PLEKHA1: variants seen among roughly 807,000 people sequenced by gnomAD.
The protein encoded by PLEKHA1 is pleckstrin homology domain containing A1.
A neutral mutation model predicts 52.0 loss-of-function variants in PLEKHA1; 34 were observed. The observed-to-expected ratio is 0.65, with a 90% confidence interval of 0.50 to 0.87. The LOEUF (loss-of-function observed/expected upper bound fraction) is 0.87. Among genes scored for constraint, PLEKHA1 ranks in the 40% least tolerant of loss-of-function variants. The pLI, the probability that PLEKHA1 is intolerant of heterozygous loss-of-function variation, is 0.00. For missense variants in PLEKHA1, 497 were observed against 504.2 expected (o/e 0.99, Z 0.14); for synonymous variants, 163 against 170.7 (o/e 0.95, Z 0.35).
chr10:122,376,520 AT>A (rs1411366358), intron 1 of PLEKHA1, among the ~76,000 whole-genome samples: 2 of 78,070 alleles, frequency 2.6e-5, no homozygotes, highest in African/African-American at 8.1e-5. Context: ...ATATATATAT[AT>A]ATATATATAT....
At chr10:122,433,870 G>A (rs2097428895), downstream of PLEKHA1, 1 of 152,166 alleles carries the variant, frequency 6.6e-6, no homozygotes, top group African/African-American at 2.4e-5. Flanking sequence ...GTTCTATTTA[G>A]GAAGGGCTTT....
intron 1 of PLEKHA1, among the ~76,000 whole-genome samples, chr10:122,385,596 G>A (rs747594056): frequency 2.0e-5 from 3 of 152,178 alleles, no homozygotes; most frequent in Non-Finnish European, 2.9e-5. Flanking sequence ...GATTATAGGC[G>A]TGAGCCACTG....
downstream of PLEKHA1, chr10:122,434,451 T>C (rs953908350): frequency 1.3e-5 from 2 of 152,172 alleles, no homozygotes. Flanking sequence ...TATGTGACTT[T>C]AGGCAAGTGT....
the PLEKHA1 span, chr10:122,441,610 A>G: frequency 1.3e-5 from 2 of 152,198 alleles, no homozygotes; most frequent in South Asian, 2.1e-4. Flanking sequence ...TACCTAAATC[A>G]CTGCCTGTGT....
intron 5 of PLEKHA1, among the ~76,000 whole-genome samples, chr10:122,408,635 T>C (rs1363548370): frequency 1.3e-5 from 2 of 152,172 alleles, no homozygotes; most frequent in Non-Finnish European, 2.9e-5. Flanking sequence ...AAACTTTTGA[T>C]AGACACACAT....
Position 122,429,874 on chromosome 10 carries a change from C to G in PLEKHA1, c.1151C>G (p.Pro384Arg). Reference sequence around the variant, plus strand: ...TTAAGACCTCAAAGTAAAAATGGCCCTCAGGAAAAAGATTGTGACCTAGTA... The same window carrying G: ...TTAAGACCTCAAAGTAAAAATGGCCGTCAGGAAAAAGATTGTGACCTAGTA... ...ALLRPQSKNG[P>R]QEKDCDLVDL... The change falls in exon 12 of 12, where the codon CCT becomes CGT. Residue 384 changes from proline (P) to arginine (R), a missense_variant. Coordinates refer to ENST00000368990, the MANE Select transcript of PLEKHA1 (RefSeq NM_001001974.4). 6.2e-7 allele frequency: 1 copy of G among 1,614,126 alleles called. No individual in the cohort carries two copies. Among genetic ancestry groups the G allele is most frequent in the East Asian group, 2.2e-5 (1 of 44,882 alleles).
At chr10:122,395,833 A>G (rs1242731917) in intron 2 of PLEKHA1, among the ~76,000 whole-genome samples, 1 of 152,128 alleles carries the variant, frequency 6.6e-6, no homozygotes, top group Non-Finnish European at 1.5e-5. Flanking sequence ...GAGGTTGGTA[A>G]TCATGGAGAA....
chr10:122,391,552 TGTTGAAATCAGTTGACTATAGATGTATAG>T (rs1189891640), intron 1 of PLEKHA1, among the ~76,000 whole-genome samples: 11 of 152,136 alleles, frequency 7.2e-5, no homozygotes, highest in East Asian at 1.9e-4. Flanking sequence ...TTAGCACCCT[TGTTGAAATCAGTTGACTATAGATGTATAG>T]GTTGAAATCA....
intron 11 of PLEKHA1, chr10:122,428,272 C>T: frequency 1.3e-6 from 2 of 1,539,124 alleles, no homozygotes; most frequent in Non-Finnish European, 8.8e-7. Context: ...GCACTGTGTT[C>T]CAGATGCGGC....
chr10:122,378,206 A>G (rs1462850646), intron 1 of PLEKHA1, among the ~76,000 whole-genome samples: 2 of 152,162 alleles, frequency 1.3e-5, no homozygotes, highest in Non-Finnish European at 2.9e-5. Flanking sequence ...ATCCCTCCTG[A>G]GAATTTCCAT....
Position 122,376,179 on chromosome 10 carries a change from A to C in PLEKHA1, c.-21+1373A>C, listed in dbSNP as rs141408761. 2.3e-3 allele frequency among the ~76,000 whole-genome samples: 353 copies of C among 152,306 alleles called. 1 individual carries two copies. The highest frequency in any genetic ancestry group is 4.1e-3 in the Non-Finnish European group (278 of 68,024). The stretch of plus-strand genomic sequence containing the variant: ...GAACTTGAAGACCCGTTATATTAAA[A>C]TAATAAGATTTATTCTGATCAAAAT... On this transcript the variant is annotated intron_variant, in intron 1 of 11. Transcript: ENST00000368990.
chr10:122,385,567 T>C (rs2096680393), intron 1 of PLEKHA1, among the ~76,000 whole-genome samples: 1 of 152,194 alleles, frequency 6.6e-6, no homozygotes, highest in African/African-American at 2.4e-5. Context: ...CTGCCTGCTT[T>C]GGCCTCCCAA....
downstream of PLEKHA1, chr10:122,432,628 T>C (rs1198414158): frequency 6.6e-6 from 1 of 152,234 alleles, no homozygotes; most frequent in African/African-American, 2.4e-5. Flanking sequence ...TATCATATGT[T>C]AGCCTCAGAG....
intron 1 of PLEKHA1, among the ~76,000 whole-genome samples, chr10:122,375,853 A>G (rs967633865): frequency 2.0e-5 from 3 of 152,166 alleles, no homozygotes; most frequent in Non-Finnish European, 2.9e-5. Flanking sequence ...TTATTTTACA[A>G]TTGATCGTTG....
At chr10:122,414,022 A>G (rs2097141478) in intron 6 of PLEKHA1, among the ~76,000 whole-genome samples, 1 of 152,092 alleles carries the variant, frequency 6.6e-6, no homozygotes. Flanking sequence ...ATGCTTGGCA[A>G]AGGGTATGTT....
Position 122,430,013 on chromosome 10 carries a change from A to G in PLEKHA1, c.*75A>G, listed in dbSNP as rs1455638713. ...CATGAGGCTTCTAGCCAAAGATGATAAAGGGGGAAATGGTTTTTAGTGCGT... is the reference window on the plus strand; with the variant it reads ...CATGAGGCTTCTAGCCAAAGATGATGAAGGGGGAAATGGTTTTTAGTGCGT... On this transcript the variant is annotated 3_prime_UTR_variant, in exon 12 of 12. Transcript: ENST00000368990. The G allele has an allele frequency of 2.0e-5, 29 of 1,481,106 alleles. No individual in the cohort carries two copies. Among genetic ancestry groups the G allele is most frequent in the Non-Finnish European group, 1.9e-5 (21 of 1,100,350 alleles). The allele number at this position is 1,481,106 out of a possible 1,614,324, so 91.7% of individuals were successfully genotyped here.
chr10:122,390,279 C>A (rs1259090129), intron 1 of PLEKHA1, among the ~76,000 whole-genome samples: 2 of 152,170 alleles, frequency 1.3e-5, no homozygotes, highest in East Asian at 3.8e-4. Flanking sequence ...CTGTCGAGAC[C>A]AGTAAAGCTT....
intron 1 of PLEKHA1, among the ~76,000 whole-genome samples, chr10:122,391,542 T>G (rs970710386): frequency 6.6e-6 from 1 of 152,180 alleles, no homozygotes; most frequent in African/African-American, 2.4e-5. Flanking sequence ...TTGAATGGTA[T>G]TAGCACCCTT....
At chr10:122,394,932 A>G (rs545738570) in intron 2 of PLEKHA1, among the ~76,000 whole-genome samples, 1 of 152,352 alleles carries the variant, frequency 6.6e-6, no homozygotes, top group East Asian at 1.9e-4. Context: ...AAAGGAGTTA[A>G]GTACAAAATA....
Sources: allele counts gnomAD v4.1 joint callset (sites outside exome capture counted in the v4.1 genomes callset), GRCh38; gene constraint gnomAD v4.1.1; transcripts MANE v1.5; gene names NCBI Gene and HGNC (gene_info 2026-07-23, HGNC 2026-07-21).